NCAM1: variants seen among roughly 807,000 people sequenced by gnomAD.
NCAM1 encodes the protein antigen recognized by monoclonal antibody 5.1H11.
In NCAM1, 14 loss-of-function variants were observed where a neutral mutation model predicts 109.8. The observed-to-expected ratio is 0.13, with a 90% CI of 0.08 to 0.20. NCAM1 has a LOEUF of 0.20. Among genes scored for constraint, NCAM1 ranks in the 10% least tolerant of loss-of-function variants. The pLI is 1.00. For missense variants in NCAM1, 774 were observed against 1,109.9 expected (o/e 0.70, Z 4.30); for synonymous variants, 418 against 442.9 (o/e 0.94, Z 0.70).
At chr11:113,250,933 G>C (rs538741597) in intron 15 of NCAM1, among the ~76,000 whole-genome samples, 1 of 152,222 alleles carries the variant, frequency 6.6e-6, no homozygotes, top group Non-Finnish European at 1.5e-5. Context: ...GCGTAGCTGG[G>C]ATTACAGACG....
chr11:113,007,491 A>G (rs894951835), intron 1 of NCAM1, among the ~76,000 whole-genome samples: 2 of 152,212 alleles, frequency 1.3e-5, no homozygotes, highest in African/African-American at 4.8e-5. Context: ...CTGCTTATCA[A>G]TTAGCAGATG....
rs1565498850 is a variant in NCAM1 at position 113,206,164 on chromosome 11, T to G, written c.612T>G (p.Ile204Met). The G allele has an allele frequency of 6.2e-7, 1 of 1,612,624 alleles. No homozygotes were observed. The highest frequency in any genetic ancestry group is 8.5e-7 in the Non-Finnish European group (1 of 1,179,238). ...GGGGGGAGATCAACTTCAAGGACAT[T>G]CAGGTCATTGTGAATGGTGAGGAGA... ...LARGEINFKD[I>M]QVIVNVPPTI... Residue 204 changes from isoleucine (I) to methionine (M), a missense_variant, in exon 5 of 20, where the codon ATT becomes ATG. By Grantham distance (10) the Ile-to-Met change is conservative. Around this residue, in one of 4 missense-constraint regions of NCAM1, gnomAD observed 523 missense variants for 784.2 expected, o/e 0.67. Transcript: ENST00000316851.
chr11:113,095,719 G>A (rs1355639449), intron 1 of NCAM1, among the ~76,000 whole-genome samples: 1 of 152,198 alleles, frequency 6.6e-6, no homozygotes, highest in Non-Finnish European at 1.5e-5. Context: ...TTTTACAGAT[G>A]AAGAAACTGG....
chr11:113,263,727 C>T (rs918959644), intron 17 of NCAM1: 35 of 985,354 alleles, frequency 3.6e-5, no homozygotes, highest in Non-Finnish European at 4.0e-5. Context: ...AGAGTGGGGC[C>T]GTGGTTCAGC....
chr11:113,159,867 C>T (rs1942541959), intron 1 of NCAM1, among the ~76,000 whole-genome samples: 1 of 120,908 alleles, frequency 8.3e-6, no homozygotes, highest in South Asian at 3.0e-4. Context: ...TCCCCCCACC[C>T]CACAACAGGC....
At chr11:113,102,811 GA>G (rs1389205610) in intron 1 of NCAM1, among the ~76,000 whole-genome samples, 1 of 152,166 alleles carries the variant, frequency 6.6e-6, no homozygotes, top group South Asian at 2.1e-4. Flanking sequence ...ATTTTTTGGA[GA>G]AACATCTTTA....
chr11:113,207,401 T>C lies in NCAM1; in HGVS notation c.746+23T>C, dbSNP rs782424337. The stretch of plus-strand genomic sequence containing the variant: ...AAAGTAAGAAACTGGCTCATACCTT[T>C]TATCATGGACTAGAGGAGAATGGGG... On this transcript the variant is annotated intron_variant, in intron 6 of 19. Transcript: ENST00000316851. The C allele has an allele frequency of 1.8e-5, 28 of 1,582,588 alleles. No homozygotes were observed. The South Asian group carries it at 3.0e-4, about 17-fold the overall frequency.
chr11:113,103,155 C>T (rs2135881929), intron 1 of NCAM1, among the ~76,000 whole-genome samples: 1 of 152,280 alleles, frequency 6.6e-6, no homozygotes, highest in Non-Finnish European at 1.5e-5. Context: ...AGTGAGCTTG[C>T]TGGCCTCTGG....
intron 1 of NCAM1, among the ~76,000 whole-genome samples, chr11:113,031,772 G>A (rs1433661440): frequency 6.6e-6 from 1 of 152,162 alleles, no homozygotes; most frequent in Non-Finnish European, 1.5e-5. Flanking sequence ...AGCATCGCCT[G>A]TTCAACAGCA....
intron 1 of NCAM1, chr11:112,977,438 A>G (rs1951036044): frequency 6.6e-6 from 1 of 151,816 alleles, no homozygotes; most frequent in Admixed American, 6.6e-5. Flanking sequence ...CTTCATTTGG[A>G]ATTTATAAAA....
At chr11:113,120,131 T>C (rs1940895879) in intron 1 of NCAM1, among the ~76,000 whole-genome samples, 1 of 152,218 alleles carries the variant, frequency 6.6e-6, no homozygotes, top group East Asian at 1.9e-4. Context: ...TTGGAAAATT[T>C]ACTGGTTTAT....
intron 1 of NCAM1, among the ~76,000 whole-genome samples, chr11:113,068,158 G>A (rs1475173640): frequency 1.3e-5 from 2 of 152,046 alleles, no homozygotes; most frequent in South Asian, 2.1e-4. Flanking sequence ...TGATCCACCC[G>A]CCTTGGCCTC....
chr11:113,104,597 G>A (rs1335723435), intron 1 of NCAM1, among the ~76,000 whole-genome samples: 1 of 152,168 alleles, frequency 6.6e-6, no homozygotes, highest in Non-Finnish European at 1.5e-5. Flanking sequence ...TGAGAGCAAA[G>A]CTGAATCGGG....
intron 1 of NCAM1, among the ~76,000 whole-genome samples, chr11:113,115,135 G>A (rs1219164250): frequency 1.3e-5 from 2 of 152,174 alleles, no homozygotes; most frequent in African/African-American, 4.8e-5. Context: ...TGCCTTTTGA[G>A]TTCCTGAGTT....
At chr11:113,172,052 A>G (rs1489661872) in intron 1 of NCAM1, among the ~76,000 whole-genome samples, 1 of 152,098 alleles carries the variant, frequency 6.6e-6, no homozygotes, top group Non-Finnish European at 1.5e-5. Flanking sequence ...GTACCATAGT[A>G]CCTTCTGAGG....
At chr11:113,171,124 A>G (rs1317370099) in intron 1 of NCAM1, among the ~76,000 whole-genome samples, 1 of 152,142 alleles carries the variant, frequency 6.6e-6, no homozygotes, top group African/African-American at 2.4e-5. Context: ...ATCTCATGTA[A>G]TCGCCACTAC....
rs183026531 is a variant in NCAM1, at chr11:113,180,150, T to A, written c.53-22229T>A. Among the ~76,000 whole-genome samples, 6 of 152,268 alleles carry A rather than the reference T, an allele frequency of 3.9e-5. No homozygotes were observed. The South Asian group carries it at 8.3e-4, about 21-fold the overall frequency. On this transcript the variant is annotated intron_variant, in intron 1 of 19. Coordinates refer to ENST00000316851, the MANE Select transcript of NCAM1 (RefSeq NM_181351.5). ...GACTGGCAGGCTCTGTGCTGAGCAT[T>A]CTCCTGGCTTCTCACTTCATCTCAT...
In NCAM1 at chr11:113,278,209, G is replaced by C. The variant is rs1246158793; in HGVS notation, c.*2822G>C. 2 of 152,162 alleles carry C rather than the reference G, an allele frequency of 1.3e-5. No individual in the cohort carries two copies. The highest frequency in any genetic ancestry group is 1.3e-4 in the Admixed American group (2 of 15,274). The allele number at this position is 152,162 out of a possible 1,614,324, so 9.4% of individuals were successfully genotyped here. On this transcript the variant is annotated 3_prime_UTR_variant, in exon 20 of 20. Coordinates refer to ENST00000316851, the MANE Select transcript of NCAM1 (RefSeq NM_181351.5). ...CCTTCCGAGTCCCAGGTTTTCACTT[G>C]AGGCTGTCTGTCTGGATGGCGGTTT...
chr11:113,224,001 A>G (rs1398536712), intron 9 of NCAM1, among the ~76,000 whole-genome samples: 1 of 152,228 alleles, frequency 6.6e-6, no homozygotes, highest in African/African-American at 2.4e-5. Context: ...AGCTCCCAGC[A>G]TGAGCGACGC....
Sources: gnomAD v4.1 joint callset for allele counts (sites outside exome capture counted in the v4.1 genomes callset) on GRCh38, gnomAD v4.1.1 for gene constraint, gnomAD v4.1.1 regional missense constraint, MANE v1.5 for transcripts, NCBI Gene and HGNC (gene_info 2026-07-23, HGNC 2026-07-21) for gene names.